FAM171A2: variants seen among roughly 807,000 people sequenced by gnomAD.
FAM171A2 encodes family with sequence similarity 171 member A2.
In FAM171A2, 13 loss-of-function variants were observed where a neutral mutation model predicts 34.2. The observed-to-expected ratio is 0.38, with a 90% CI of 0.25 to 0.60. The LOEUF (loss-of-function observed/expected upper bound fraction) is 0.60, where lower values mean the gene tolerates loss of function less well. FAM171A2 is among the 20% of genes least tolerant of loss of function. The pLI is 0.62. For missense variants in FAM171A2, 950 were observed against 1,180.7 expected (o/e 0.80, Z 2.86); for synonymous variants, 475 against 561.2 (o/e 0.85, Z 2.17).
At chr17:44,361,112 G>A (rs1279726641) in intron 1 of FAM171A2, among the ~76,000 whole-genome samples, 1 of 152,232 alleles carries the variant, frequency 6.6e-6, no homozygotes, top group East Asian at 1.9e-4. Flanking sequence ...GCTTTCCAGG[G>A]ATGCCTCTGC....
In FAM171A2 at chr17:44,355,655, C is replaced by G. The variant is rs1183441942; in HGVS notation, c.1022+60G>C. ...AGGACCAGAAGTGGATTTTATGCAT[C>G]TTTGGGGCCCCAGGGCCCGGTACAA... is the stretch of plus-strand genomic sequence containing the variant. On this transcript the variant is annotated intron_variant, in intron 7 of 7. Coordinates refer to ENST00000293443, the MANE Select transcript of FAM171A2 (RefSeq NM_198475.3). This position sits in a 1 kb window ranked among gnomAD's most constrained non-coding sequence, Gnocchi z 4.1. 1.0e-4 allele frequency: 160 copies of G among 1,546,144 alleles called. No individual in the cohort carries two copies. Among genetic ancestry groups the G allele is most frequent in the Non-Finnish European group, 1.4e-4 (157 of 1,143,994 alleles).
chr17:44,357,931 G>A (rs531718319), intron 3 of FAM171A2, among the ~76,000 whole-genome samples: 62 of 152,302 alleles, frequency 4.1e-4, no homozygotes, highest in African/African-American at 1.4e-3. Context: ...CATTTTAGAG[G>A]TGCAGAAATG....
chr17:44,354,230 A>G lies in FAM171A2; in HGVS notation c.1984T>C (p.Ser662Pro). Residue 662 changes from serine (S) to proline (P), a missense_variant, in exon 8 of 8, where the codon TCC becomes CCC. This residue lies in a region of FAM171A2 where 752 missense variants were observed against 924.5 expected (regional missense o/e 0.81). Coordinates refer to ENST00000293443, the MANE Select transcript of FAM171A2 (RefSeq NM_198475.3). This position sits in a 1 kb window ranked among gnomAD's most constrained non-coding sequence, Gnocchi z 5.8. Reference protein sequence around the residue: ...RAWFVSLDGRSNSQVRHSYID... With the variant: ...RAWFVSLDGRPNSQVRHSYID... ...TAAGAGTGGCGCACTTGCGAGTTGG[A>G]GCGCCCGTCGAGGGACACGAACCAG... The G allele has an allele frequency of 5.5e-6, 8 of 1,452,502 alleles. No individual in the cohort carries two copies. Among genetic ancestry groups the G allele is most frequent in the South Asian group, 1.3e-5 (1 of 76,504 alleles). The allele number at this position is 1,452,502 out of a possible 1,614,324, so 90.0% of individuals were successfully genotyped here.
chr17:44,357,918 C>A (rs561015762), intron 3 of FAM171A2, among the ~76,000 whole-genome samples: 4 of 152,194 alleles, frequency 2.6e-5, no homozygotes, highest in African/African-American at 9.7e-5. Context: ...CTATTATCAA[C>A]CTCATTTTAG....
rs977647200 is a variant in FAM171A2 at position 44,355,565 on chromosome 17, A to T, written c.1022+150T>A. ...CCCTCCCACCTCCCCGCTGTCTTCA[A>T]CCACCAGCACCAGCCCTTCAGGTCT... is the stretch of plus-strand genomic sequence containing the variant. On this transcript the variant is annotated intron_variant, in intron 7 of 7. Coordinates refer to ENST00000293443, the MANE Select transcript of FAM171A2 (RefSeq NM_198475.3). This position sits in a 1 kb window ranked among gnomAD's most constrained non-coding sequence, Gnocchi z 4.1. 2.5e-6 allele frequency: 3 copies of T among 1,209,170 alleles called. No individual in the cohort carries two copies. Among genetic ancestry groups the T allele is most frequent in the Non-Finnish European group, 3.4e-6 (3 of 881,042 alleles). The allele number at this position is 1,209,170 out of a possible 1,614,324, so 74.9% of individuals were successfully genotyped here. A position where few individuals can be genotyped will look rare whatever the true frequency, so the allele number is the denominator to read the frequency against.
chr17:44,356,574 G>T lies in FAM171A2; in HGVS notation c.454C>A (p.Pro152Thr). 1 of 1,544,470 alleles carries T rather than the reference G, an allele frequency of 6.5e-7. No individual in the cohort carries two copies. Among genetic ancestry groups the T allele is most frequent in the East Asian group, 2.5e-5 (1 of 40,814 alleles). The stretch of plus-strand genomic sequence containing the variant: ...GCCCGGCGCTGGAACTGCACCAAGG[G>T]CTGGGAGCGGGCACCTGGAGGGAAA... Reference protein sequence around the residue: ...LLGSPGARSQPLVQFQRRAAR... With the variant: ...LLGSPGARSQTLVQFQRRAAR... Residue 152 changes from proline to threonine, a missense_variant, in exon 4 of 8, where the codon CCC becomes ACC. This residue lies in a region of FAM171A2 where 752 missense variants were observed against 924.5 expected (regional missense o/e 0.81). Coordinates refer to ENST00000293443, the MANE Select transcript of FAM171A2 (RefSeq NM_198475.3).
In FAM171A2 at chr17:44,356,566, C is replaced by T; in HGVS notation, c.462G>A (p.Val154=). Residue 154 remains valine (V), a synonymous_variant, in exon 4 of 8, where the codon GTG becomes GTA. Transcript: ENST00000293443. ...GSPGARSQPL[V]QFQRRAARLP... Reference sequence around the variant, plus strand: ...GGCGGGCAGCCCGGCGCTGGAACTGCACCAAGGGCTGGGAGCGGGCACCTG... The same window carrying T: ...GGCGGGCAGCCCGGCGCTGGAACTGTACCAAGGGCTGGGAGCGGGCACCTG... 6.5e-7 allele frequency: 1 copy of T among 1,546,598 alleles called. No individual in the cohort carries two copies.
Position 44,353,826 on chromosome 17 carries a change from C to A in FAM171A2, c.2388G>T (p.Glu796Asp). Residue 796 changes from glutamate to aspartate, a missense_variant, in exon 8 of 8, where the codon GAG (glutamate) becomes GAT (aspartate). Around this residue, in one of 3 missense-constraint regions of FAM171A2, gnomAD observed 191 missense variants for 222.8 expected, o/e 0.86. Transcript: ENST00000293443. Reference protein sequence around the residue: ...RRDSLTSPEDELGAEVGDEAG... With the variant: ...RRDSLTSPEDDLGAEVGDEAG... ...CCTCGTCGCCCACCTCCGCCCCCAG[C>A]TCGTCCTCCGGGCTGGTGAGCGAGT... 2 of 1,421,818 alleles carry A rather than the reference C, an allele frequency of 1.4e-6. No homozygotes were observed. The highest frequency in any genetic ancestry group is 9.2e-7 in the Non-Finnish European group (1 of 1,088,274). 88.1% of individuals were successfully genotyped at this position (1,421,818 alleles called of 1,614,324 possible). A position where few individuals can be genotyped will look rare whatever the true frequency, so the allele number is the denominator to read the frequency against.
intron 1 of FAM171A2, 59 bp downstream of exon 1, chr17:44,363,538 C>A: frequency 2.6e-6 from 2 of 783,258 alleles, no homozygotes; most frequent in Non-Finnish European, 3.4e-6. Flanking sequence ...GGCTGACGGG[C>A]GGGAGCCTGA....
intron 2 of FAM171A2, 82 bp downstream of exon 2, chr17:44,359,823 C>G: frequency 6.9e-7 from 1 of 1,438,946 alleles, no homozygotes; most frequent in Non-Finnish European, 9.3e-7. Flanking sequence ...GCCTCCCCCT[C>G]CACCCCCAAG....
Position 44,355,974 on chromosome 17 carries a change from C to T in FAM171A2, c.879G>A (p.Met293Ile). 6.5e-7 allele frequency: 1 copy of T among 1,542,578 alleles called. No individual in the cohort carries two copies. The highest frequency in any genetic ancestry group is 2.4e-5 in the East Asian group (1 of 40,820). The change falls in exon 6 of 8, where the codon ATG (methionine) becomes ATA (isoleucine). Residue 293 changes from methionine (M) to isoleucine (I), a missense_variant. This residue lies in a region of FAM171A2 where 752 missense variants were observed against 924.5 expected (regional missense o/e 0.81). Coordinates refer to ENST00000293443, the MANE Select transcript of FAM171A2 (RefSeq NM_198475.3). This position sits in a 1 kb window ranked among gnomAD's most constrained non-coding sequence, Gnocchi z 4.1. ...TACTCTTACCAGCCGTGGGGGAGGC[C>T]ATGGCGGCCACCCAGTACCCCAGCT... ...SPQLGYWVAAMASPTAGLVTI... is the reference protein window; with the variant it reads ...SPQLGYWVAAIASPTAGLVTI...
chr17:44,354,971 A>C lies in FAM171A2; in HGVS notation c.1243T>G (p.Phe415Val). Residue 415 changes from phenylalanine to valine, a missense_variant, in exon 8 of 8, where the codon TTC becomes GTC. Phe to Val is a conservative substitution (Grantham distance 50). Coordinates refer to ENST00000293443, the MANE Select transcript of FAM171A2 (RefSeq NM_198475.3). The surrounding 1 kb of genome is among the most constrained non-coding windows in gnomAD (Gnocchi z 5.8). ...SRDLASSRDDFFRTKPRSASR... is the reference protein window; with the variant it reads ...SRDLASSRDDVFRTKPRSASR... ...GCAGAGCGCGGCTTGGTGCGGAAGA[A>C]GTCATCCCGGGAGGAGGCCAAGTCC... 1 of 1,472,324 alleles carries C rather than the reference A, an allele frequency of 6.8e-7. No homozygotes were observed. The highest frequency in any genetic ancestry group is 9.0e-7 in the Non-Finnish European group (1 of 1,114,320). 91.2% of individuals were successfully genotyped at this position (1,472,324 alleles called of 1,614,324 possible). A position where few individuals can be genotyped will look rare whatever the true frequency, so the allele number is the denominator to read the frequency against.
intron 1 of FAM171A2, among the ~76,000 whole-genome samples, chr17:44,361,556 C>T (rs1394830976): frequency 1.3e-5 from 2 of 152,122 alleles, no homozygotes; most frequent in African/African-American, 2.4e-5. Context: ...CCGCAGCCAG[C>T]GCCACGCCTG....
At position 44,353,929 on chromosome 17, in the gene FAM171A2, C is replaced by T. The variant is rs2048404950; in HGVS notation, c.2285G>A (p.Arg762Gln). The T allele has an allele frequency of 1.5e-6, 2 of 1,295,864 alleles. No individual in the cohort carries two copies. The highest frequency in any genetic ancestry group is 1.9e-6 in the Non-Finnish European group (2 of 1,027,594). 80.3% of individuals were successfully genotyped at this position (1,295,864 alleles called of 1,614,324 possible). A position where few individuals can be genotyped will look rare whatever the true frequency, so the allele number is the denominator to read the frequency against. Reference protein sequence around the residue: ...LLDEVAAPEGRAATVPRGRGR... With the variant: ...LLDEVAAPEGQAATVPRGRGR... ...CCGCCCCCGGGGTACCGTGGCCGCC[C>T]GGCCCTCGGGCGCCGCCACCTCGTC... Residue 762 changes from arginine (R) to glutamine (Q), a missense_variant, in exon 8 of 8, where the codon CGG (arginine) becomes CAG (glutamine). Arg to Gln is a conservative substitution (Grantham distance 43). Transcript: ENST00000293443.
chr17:44,361,509 C>G (rs2048447755), intron 1 of FAM171A2, among the ~76,000 whole-genome samples: 3 of 152,132 alleles, frequency 2.0e-5, no homozygotes, highest in African/African-American at 7.2e-5. Context: ...GAGCCTGACA[C>G]TCAGCAGTGA....
chr17:44,359,816 TC>T, intron 2 of FAM171A2, 88 bp downstream of exon 2: 1 of 1,379,860 alleles, frequency 7.2e-7, no homozygotes, highest in Non-Finnish European at 9.7e-7. Flanking sequence ...CTGGAAAGCC[TC>T]CCCCTCCACC....
chr17:44,356,149 C>T, intron 5 of FAM171A2, 24 bp downstream of exon 5: 1 of 1,529,996 alleles, frequency 6.5e-7, no homozygotes, highest in Non-Finnish European at 8.8e-7. Flanking sequence ...AACTCAAGCA[C>T]CTGCAGCCCC....
rs914914328 is a variant in FAM171A2 at position 44,354,780 on chromosome 17, CGGCGGCGAG to C, written c.1425_1433del (p.Ser476_Pro478del). ...GGCCCAGGTAGTGGTCGAAGGGCGG[CGGCGGCGAG>C]GGCGGCTCGTGCAGGAAGGCCGCAG... On this transcript the variant is annotated inframe_deletion, in exon 8 of 8. Coordinates refer to ENST00000293443, the MANE Select transcript of FAM171A2 (RefSeq NM_198475.3). The surrounding 1 kb of genome is among the most constrained non-coding windows in gnomAD (Gnocchi z 5.8). The C allele has an allele frequency of 1.2e-4, 155 of 1,298,432 alleles. No individual in the cohort carries two copies. In the African/African-American group the frequency reaches 2.2e-3, roughly 19 times the overall value. The allele number at this position is 1,298,432 out of a possible 1,614,324, so 80.4% of individuals were successfully genotyped here.
chr17:44,356,096 T>C lies in FAM171A2; in HGVS notation c.779-22A>G, dbSNP rs755346831. 1.1e-5 allele frequency: 17 copies of C among 1,527,492 alleles called. No homozygotes were observed. The South Asian group carries it at 1.7e-4, about 15-fold the overall frequency. The allele number at this position is 1,527,492 out of a possible 1,614,324, so 94.6% of individuals were successfully genotyped here. A position where few individuals can be genotyped will look rare whatever the true frequency, so the allele number is the denominator to read the frequency against. On this transcript the variant is annotated intron_variant, in intron 5 of 7. Transcript: ENST00000293443. ...AGCCCTGGGAGAGGCAGGGGTTTTGTCACACTTGAGTCGCTCCCACTCAAG... is the reference window on the plus strand; with the variant it reads ...AGCCCTGGGAGAGGCAGGGGTTTTGCCACACTTGAGTCGCTCCCACTCAAG...
Sources: allele counts gnomAD v4.1 joint callset (sites outside exome capture counted in the v4.1 genomes callset), GRCh38; gene constraint gnomAD v4.1.1; regional missense constraint gnomAD v4.1.1; non-coding constraint Gnocchi (gnomAD v3.1); transcripts MANE v1.5; gene names NCBI Gene and HGNC (gene_info 2026-07-23, HGNC 2026-07-21).